Variants in DOCK1 observed in about 807,000 individuals in gnomAD.
The protein encoded by DOCK1 is dedicator of cytokinesis protein 1.
DOCK1 carries 138 observed loss-of-function variants against 262.7 expected under a neutral mutation model. The ratio of observed to expected loss-of-function variants is 0.53; its 90% CI spans 0.46 to 0.61. The LOEUF (loss-of-function observed/expected upper bound fraction) is 0.61. Ranked by LOEUF, DOCK1 falls within the 20% of genes least tolerant of loss-of-function variation. The pLI, the probability that DOCK1 is intolerant of heterozygous loss-of-function variation, is 0.00. For missense variants in DOCK1, 1,908 were observed against 2,370.7 expected (o/e 0.80, Z 4.05); for synonymous variants, 866 against 867.4 (o/e 1.00, Z 0.03).
At chr10:127,377,122 T>C (rs1370627476) in intron 35 of DOCK1, among the ~76,000 whole-genome samples, 5 of 152,224 alleles carry the variant, frequency 3.3e-5, no homozygotes, top group African/African-American at 1.2e-4. Context: ...GTTCTGCTCT[T>C]AACCATTTCC....
At position 127,409,076 on chromosome 10, in the gene DOCK1, C is replaced by T. The variant is rs781447632; in HGVS notation, c.4162C>T (p.Arg1388Trp). 1.7e-5 allele frequency: 27 copies of T among 1,597,042 alleles called. No individual in the cohort carries two copies. Among genetic ancestry groups the T allele is most frequent in the African/African-American group, 4.0e-5 (3 of 74,550 alleles). The change falls in exon 41 of 52, where the codon CGG becomes TGG. Residue 1388 changes from arginine to tryptophan, a missense_variant. By Grantham distance (101) the Arg-to-Trp change is moderately radical. Coordinates refer to ENST00000623213, the MANE Select transcript of DOCK1 (RefSeq NM_001290223.2). ...FIYRGKEYER[R>W]EDFEARLLTQ... ...TTACCGAGGGAAAGAGTATGAGCGC[C>T]GGGAAGATTTTGAGGCTCGGCTCTT...
At chr10:126,973,240 T>G (rs1475409766) in intron 2 of DOCK1, among the ~76,000 whole-genome samples, 2 of 151,690 alleles carry the variant, frequency 1.3e-5, no homozygotes, top group Non-Finnish European at 2.9e-5. Context: ...GTGGTTTTTT[T>G]TTTTTTGAGA....
At chr10:127,156,530 CTCTTTTTCT>C (rs1460917087) in intron 27 of DOCK1, among the ~76,000 whole-genome samples, 4 of 133,874 alleles carry the variant, frequency 3.0e-5, no homozygotes, top group Non-Finnish European at 6.4e-5. Flanking sequence ...CTTTTCTTTT[CTCTTTTTCT>C]TCTTCTTCTT....
At chr10:127,165,850 T>C (rs1351730337) in intron 27 of DOCK1, among the ~76,000 whole-genome samples, 1 of 152,198 alleles carries the variant, frequency 6.6e-6, no homozygotes, top group East Asian at 1.9e-4. Flanking sequence ...TGATTACAGA[T>C]CCTTCCCAAT....
At chr10:126,945,836 G>A (rs991514484) in intron 1 of DOCK1, among the ~76,000 whole-genome samples, 1 of 152,246 alleles carries the variant, frequency 6.6e-6, no homozygotes. Context: ...AGGCAGTTCA[G>A]TGTCGGAGTG....
intron 29 of DOCK1, among the ~76,000 whole-genome samples, chr10:127,323,152 G>A (rs556733687): frequency 2.2e-4 from 33 of 152,276 alleles, no homozygotes; most frequent in Admixed American, 8.5e-4. Context: ...GGTGTTCATC[G>A]CTTCCCTCTC....
intron 27 of DOCK1, among the ~76,000 whole-genome samples, chr10:127,204,957 T>C (rs1195942500): frequency 1.3e-5 from 2 of 152,142 alleles, no homozygotes; most frequent in East Asian, 1.9e-4. Flanking sequence ...TTGATGACCA[T>C]GAGCAATAAA....
At chr10:127,409,439 T>C (rs1368409483) in intron 42 of DOCK1, 48 bp downstream of exon 42, 18 of 1,569,748 alleles carry the variant, frequency 1.1e-5, no homozygotes, top group Non-Finnish European at 1.6e-5. Flanking sequence ...TAAGAGGCTG[T>C]GTACAGATCT....
chr10:126,914,057 G>A (rs1379448495), intron 1 of DOCK1, among the ~76,000 whole-genome samples: 1 of 152,180 alleles, frequency 6.6e-6, no homozygotes, highest in East Asian at 1.9e-4. Context: ...GTAAGTAGAA[G>A]GCTGTGTTGC....
At chr10:127,363,112 C>T (rs1157939488) in intron 33 of DOCK1, among the ~76,000 whole-genome samples, 1 of 149,966 alleles carries the variant, frequency 6.7e-6, no homozygotes, top group Non-Finnish European at 1.5e-5. Flanking sequence ...CATGCTATGA[C>T]TTTCTCCTTA....
intron 37 of DOCK1, among the ~76,000 whole-genome samples, chr10:127,383,374 G>A (rs934545370): frequency 6.6e-6 from 1 of 152,104 alleles, no homozygotes; most frequent in African/African-American, 2.4e-5. Context: ...TTTTATTGTG[G>A]TTACATTTCA....
chr10:127,094,598 A>G (rs2047790946), intron 23 of DOCK1, among the ~76,000 whole-genome samples: 1 of 152,200 alleles, frequency 6.6e-6, no homozygotes, highest in South Asian at 2.1e-4. Context: ...CACGCTGGAC[A>G]GGCAGAATAT....
At chr10:127,131,743 C>T (rs1256434981) in intron 27 of DOCK1, among the ~76,000 whole-genome samples, 4 of 152,102 alleles carry the variant, frequency 2.6e-5, no homozygotes, top group African/African-American at 4.8e-5. Flanking sequence ...TGGACAAAAA[C>T]CTTAATCAGT....
intron 21 of DOCK1, among the ~76,000 whole-genome samples, chr10:127,050,247 A>ATATAATAGATATTTCCAATATCCTTAAT (rs2044629216): frequency 6.6e-6 from 1 of 151,240 alleles, no homozygotes; most frequent in Non-Finnish European, 1.5e-5. Context: ...GATATTTCCA[A>ATATAATAGATATTTCCAATATCCTTAAT]TATAATAGAT....
chr10:127,380,008 T>G lies in DOCK1; in HGVS notation c.3676-74T>G, dbSNP rs1006419488. On this transcript the variant is annotated intron_variant, in intron 35 of 51. Coordinates refer to ENST00000623213, the MANE Select transcript of DOCK1 (RefSeq NM_001290223.2). ...GTGTTTGACACAAGATGAAGTATCT[T>G]GAATTTTTATTGTGCATGTGATACC... 16 of 1,055,068 alleles carry G rather than the reference T, an allele frequency of 1.5e-5. No individual in the cohort carries two copies. In the African/African-American group the frequency reaches 2.5e-4, roughly 17 times the overall value. The allele number at this position is 1,055,068 out of a possible 1,614,324, so 65.4% of individuals were successfully genotyped here.
At position 127,096,001 on chromosome 10, in the gene DOCK1, G is replaced by A. The variant is rs537538133; in HGVS notation, c.2446-10230G>A. Among the ~76,000 whole-genome samples the A allele has an allele frequency of 3.9e-5, 6 of 152,284 alleles. No individual in the cohort carries two copies. The East Asian group carries it at 1.2e-3, about 29-fold the overall frequency. ...CCGAAGCATTGGTGGTAGAGATGGG[G>A]AATGCTATCTGAAAAACCAGAATCA... On this transcript the variant is annotated intron_variant, in intron 23 of 51. Coordinates refer to ENST00000623213, the MANE Select transcript of DOCK1 (RefSeq NM_001290223.2).
intron 29 of DOCK1, 66 bp downstream of exon 29, chr10:127,257,495 G>C (rs2059868088): frequency 7.0e-7 from 1 of 1,421,252 alleles, no homozygotes; most frequent in South Asian, 1.2e-5. Flanking sequence ...TGGGAACAGT[G>C]GTGTTGCCTG....
At chr10:126,915,095 C>T (rs1233800116) in intron 1 of DOCK1, among the ~76,000 whole-genome samples, 1 of 152,128 alleles carries the variant, frequency 6.6e-6, no homozygotes, top group Non-Finnish European at 1.5e-5. Flanking sequence ...GTGTGCCTCG[C>T]AGGAAGAGGA....
intron 27 of DOCK1, among the ~76,000 whole-genome samples, chr10:127,234,550 T>A (rs992479216): frequency 3.3e-5 from 5 of 152,058 alleles, no homozygotes; most frequent in Admixed American, 2.0e-4. Context: ...CATGTCTAAG[T>A]GGGAAGGCTG....
Sources: gnomAD v4.1 joint callset for allele counts (sites outside exome capture counted in the v4.1 genomes callset) on GRCh38, gnomAD v4.1.1 for gene constraint, MANE v1.5 for transcripts, NCBI Gene and HGNC (gene_info 2026-07-23, HGNC 2026-07-21) for gene names.